SOX5: variants seen among roughly 807,000 people sequenced by gnomAD.
SOX5 encodes transcription factor SOX-5.
Under a neutral mutation model 92.0 loss-of-function variants are expected in SOX5, and 9 were observed. The ratio of observed to expected loss-of-function variants is 0.10; its 90% CI spans 0.06 to 0.17. The LOEUF (loss-of-function observed/expected upper bound fraction) is 0.17, where lower values mean the gene tolerates loss of function less well. Ranked by LOEUF, SOX5 falls within the 10% of genes least tolerant of loss-of-function variation. The pLI, the probability that SOX5 is intolerant of heterozygous loss-of-function variation, is 1.00. For missense variants in SOX5, 642 were observed against 944.5 expected (o/e 0.68, Z 4.20); for synonymous variants, 344 against 336.3 (o/e 1.02, Z -0.25).
intron 1 of SOX5, among the ~76,000 whole-genome samples, chr12:24,433,181 A>C (rs552815386): frequency 2.5e-4 from 38 of 152,220 alleles, no homozygotes; most frequent in Non-Finnish European, 4.6e-4. Context: ...TTACAGTATA[A>C]ATAAAAGAGG....
At chr12:24,011,256 T>G (rs1202864509) in intron 4 of SOX5, among the ~76,000 whole-genome samples, 3 of 152,162 alleles carry the variant, frequency 2.0e-5, no homozygotes, top group African/African-American at 7.2e-5. Context: ...TTACAAATAA[T>G]TCACATGCGC....
intron 4 of SOX5, among the ~76,000 whole-genome samples, chr12:24,052,855 C>T (rs1156296898): frequency 6.6e-6 from 1 of 152,154 alleles, no homozygotes; most frequent in African/African-American, 2.4e-5. Flanking sequence ...ACCAATAATA[C>T]ATTCAAACAA....
chr12:24,527,795 G>A (rs1950845464), intron 1 of SOX5, among the ~76,000 whole-genome samples: 1 of 152,122 alleles, frequency 6.6e-6, no homozygotes, highest in Non-Finnish European at 1.5e-5. Flanking sequence ...AGTTTGTCAG[G>A]GGAGCTAAAT....
At chr12:23,806,786 T>C (rs1015023592) in intron 3 of SOX5, among the ~76,000 whole-genome samples, 2 of 151,516 alleles carry the variant, frequency 1.3e-5, no homozygotes, top group African/African-American at 4.8e-5. Context: ...GAAACATCTA[T>C]AAACCCTCTA....
At chr12:23,880,184 TCA>T (rs1212302260) in intron 2 of SOX5, among the ~76,000 whole-genome samples, 1 of 152,166 alleles carries the variant, frequency 6.6e-6, no homozygotes, top group Admixed American at 6.5e-5. Flanking sequence ...AGTGCATATA[TCA>T]CACAGTTTCA....
At chr12:24,064,734 A>C (rs1241753105) in intron 4 of SOX5, among the ~76,000 whole-genome samples, 1 of 152,188 alleles carries the variant, frequency 6.6e-6, no homozygotes, top group Non-Finnish European at 1.5e-5. Flanking sequence ...CCTGTCATGC[A>C]GCAGAAGCTC....
intron 6 of SOX5, 57 bp downstream of exon 6, chr12:23,734,627 A>G: frequency 7.6e-7 from 1 of 1,311,394 alleles, no homozygotes; most frequent in South Asian, 1.3e-5. Context: ...ATTTAAGGAT[A>G]AGAAACAGAA....
intron 1 of SOX5, among the ~76,000 whole-genome samples, chr12:24,401,192 G>A (rs10771084): frequency 0.17 from 25,879 of 151,550 alleles, 2,263 homozygotes; most frequent in East Asian, 0.2. Context: ...TCTCTAATAT[G>A]AATACAAAAA....
At chr12:24,308,302 G>A (rs550080024) in intron 2 of SOX5, among the ~76,000 whole-genome samples, 25 of 152,262 alleles carry the variant, frequency 1.6e-4, no homozygotes, top group African/African-American at 4.6e-4. Context: ...CGCAAGACCC[G>A]GGAAGTATAT....
At chr12:23,844,624 T>G (rs1401783704) in intron 3 of SOX5, among the ~76,000 whole-genome samples, 1 of 152,162 alleles carries the variant, frequency 6.6e-6, no homozygotes, top group Non-Finnish European at 1.5e-5. Context: ...GAAAAAAGTT[T>G]TTTAAGTTTA....
chr12:24,174,098 A>T (rs986709565), intron 4 of SOX5, among the ~76,000 whole-genome samples: 2 of 152,024 alleles, frequency 1.3e-5, no homozygotes, highest in Non-Finnish European at 2.9e-5. Context: ...CCTGGGTTCA[A>T]GTGATCCTCC....
chr12:23,675,784 A>T (rs2085571488), intron 6 of SOX5, among the ~76,000 whole-genome samples: 1 of 152,206 alleles, frequency 6.6e-6, no homozygotes, highest in African/African-American at 2.4e-5. Context: ...AATATTTGTG[A>T]ACTATGGGGT....
At chr12:24,276,339 G>T (rs1297055409) in intron 3 of SOX5, among the ~76,000 whole-genome samples, 3 of 152,026 alleles carry the variant, frequency 2.0e-5, no homozygotes, top group Non-Finnish European at 2.9e-5. Flanking sequence ...AATTCTAAGG[G>T]TTTTCACACA....
intron 4 of SOX5, among the ~76,000 whole-genome samples, chr12:24,071,535 C>T (rs945166560): frequency 6.6e-5 from 10 of 152,074 alleles, no homozygotes; most frequent in Non-Finnish European, 1.0e-4. Context: ...CCCAGGTTCA[C>T]GCCATTCTTC....
intron 1 of SOX5, among the ~76,000 whole-genome samples, chr12:24,502,497 T>C (rs1948314626): frequency 1.3e-5 from 2 of 152,116 alleles, no homozygotes; most frequent in African/African-American, 4.8e-5. Context: ...AATCATTGAG[T>C]ATATAAACCC....
At chr12:24,208,247 G>A (rs1323283238) in intron 4 of SOX5, among the ~76,000 whole-genome samples, 5 of 152,122 alleles carry the variant, frequency 3.3e-5, no homozygotes, top group Admixed American at 3.3e-4. Flanking sequence ...GCCTCAGAGT[G>A]ACATCATAAG....
intron 2 of SOX5, among the ~76,000 whole-genome samples, chr12:24,318,765 A>G (rs538474635): frequency 1.6e-4 from 25 of 152,340 alleles, no homozygotes; most frequent in African/African-American, 5.5e-4. Flanking sequence ...TATCATTAGC[A>G]TTACCCAGAT....
chr12:24,308,493 G>C (rs1234950774), intron 2 of SOX5, among the ~76,000 whole-genome samples: 2 of 152,174 alleles, frequency 1.3e-5, no homozygotes, highest in Non-Finnish European at 2.9e-5. Flanking sequence ...TCTCACTCAG[G>C]CAAATTCTTT....
At chr12:24,330,503 G>T (rs2140978995) in intron 2 of SOX5, among the ~76,000 whole-genome samples, 1 of 152,266 alleles carries the variant, frequency 6.6e-6, no homozygotes, top group East Asian at 1.9e-4. Flanking sequence ...CATCTCTTTT[G>T]GGTCAAATCC....
Sources: gnomAD v4.1 joint callset for allele counts (sites outside exome capture counted in the v4.1 genomes callset) on GRCh38, gnomAD v4.1.1 for gene constraint, MANE v1.5 for transcripts, NCBI Gene and HGNC (gene_info 2026-07-23, HGNC 2026-07-21) for gene names.